The following CD70 variants were observed in gnomAD, a reference collection of about 807,000 sequenced individuals.
The protein encoded by CD70 is CD70 molecule.
A neutral mutation model predicts 9.0 loss-of-function variants in CD70; 6 were observed. That is an observed-to-expected ratio of 0.67 (90% CI 0.37 to 1.32). The LOEUF (loss-of-function observed/expected upper bound fraction) is 1.32. Among genes scored for constraint, CD70 ranks in the 40% most tolerant of loss-of-function variants. The pLI is 0.02. For synonymous variants in CD70, 108 were observed against 112.3 expected (o/e 0.96, Z 0.24); for missense variants, 235 against 258.7 (o/e 0.91, Z 0.63).
At position 6,590,131 on chromosome 19, in the gene CD70, G is replaced by A. The variant is rs1479398769; in HGVS notation, c.168C>T (p.Asp56=). The A allele has an allele frequency of 6.2e-7, 1 of 1,613,478 alleles. No individual in the cohort carries two copies. The highest frequency in any genetic ancestry group is 8.5e-7 in the Non-Finnish European group (1 of 1,179,652). Residue 56 remains aspartate (D), a synonymous_variant, in exon 2 of 3, where the codon GAC becomes GAT. Transcript: ENST00000245903. The surrounding 1 kb of genome is among the most constrained non-coding windows in gnomAD (Gnocchi z 5.3). ...TGTGATTCAGCTGCAGCTCAGCTAC[G>A]TCCCACTGGAAGAAAAGACCAGAAA... ...QQLPLESLGW[D]VAELQLNHTG...
At chr19:6,584,698 CAAAA>C (rs34700045), downstream of CD70, among the ~76,000 whole-genome samples, 3 of 102,286 alleles carry the variant, frequency 2.9e-5, no homozygotes, top group Admixed American at 3.1e-4. Flanking sequence ...GACCTCATCT[CAAAA>C]AAAAAAAAAA....
At chr19:6,583,128 AAGTGAGATCATGG>A, downstream of CD70, 2 of 447,924 alleles carry the variant, frequency 4.5e-6, no homozygotes, top group Non-Finnish European at 7.9e-6. Flanking sequence ...CCCCTTCTAG[AAGTGAGATCATGG>A]ATGCAAGATG....
chr19:6,587,075 CGA>C (rs1219524909), intron 2 of CD70, among the ~76,000 whole-genome samples: 2 of 128,528 alleles, frequency 1.6e-5, no homozygotes, highest in Non-Finnish European at 3.3e-5. Context: ...CATGAGAGAG[CGA>C]GAGAGTGTGT....
downstream of CD70, chr19:6,583,553 CTTT>C (rs72193958): frequency 0.013 from 5,182 of 399,072 alleles, no homozygotes; most frequent in South Asian, 0.02. Context: ...TAATTGTAGT[CTTT>C]TTTTTTTTTT....
At chr19:6,583,504 T>C (rs1915957281), downstream of CD70, 1 of 618,652 alleles carries the variant, frequency 1.6e-6, no homozygotes, top group East Asian at 2.8e-5. Flanking sequence ...TTTTGGTGAA[T>C]TGTTTGGCAG....
At chr19:6,585,072 C>T (rs1213303439), downstream of CD70, among the ~76,000 whole-genome samples, 6 of 152,036 alleles carry the variant, frequency 3.9e-5, no homozygotes, top group South Asian at 8.3e-4. Flanking sequence ...CTGAAACTTC[C>T]GCCTCCCAGG....
chr19:6,591,093 C>CGGGAG lies in CD70; in HGVS notation c.-92_-91insCTCCC. ...AAGGAAGGAAACTGCAGCCCCCTCC[C>CGGGAG]GGGGCTCCTGGGCGTCTACTTGCTT... On this transcript the variant is annotated 5_prime_UTR_variant, in exon 1 of 3. Coordinates refer to ENST00000245903, the MANE Select transcript of CD70 (RefSeq NM_001252.5). 4 of 1,359,038 alleles carry CGGGAG rather than the reference C, an allele frequency of 2.9e-6. No homozygotes were observed. The highest frequency in any genetic ancestry group is 3.9e-6 in the Non-Finnish European group (4 of 1,020,638). The allele number at this position is 1,359,038 out of a possible 1,614,324, so 84.2% of individuals were successfully genotyped here. A position where few individuals can be genotyped will look rare whatever the true frequency, so the allele number is the denominator to read the frequency against.
At chr19:6,586,570 G>A (rs767499200) in intron 2 of CD70, among the ~76,000 whole-genome samples, 165 bp from the exon 3 acceptor site, 13 of 152,096 alleles carry the variant, frequency 8.5e-5, no homozygotes, top group Non-Finnish European at 1.8e-4. Flanking sequence ...AGGCCAAGGC[G>A]GGTGGATCAC....
chr19:6,585,691 C>G (rs1160941001), downstream of CD70: 1 of 205,710 alleles, frequency 4.9e-6, no homozygotes, highest in African/African-American at 2.4e-5. Context: ...TTTTTTTTTC[C>G]TGAGACAGAG....
At chr19:6,583,090 C>G, downstream of CD70, 1 of 399,658 alleles carries the variant, frequency 2.5e-6, no homozygotes, top group East Asian at 3.7e-5. Context: ...CCTCCCTCAG[C>G]TGGGACACCC....
Position 6,590,217 on chromosome 19 carries a change from C to G in CD70, c.163-81G>C. 1 of 1,094,680 alleles carries G rather than the reference C, an allele frequency of 9.1e-7. No individual in the cohort carries two copies. Among genetic ancestry groups the G allele is most frequent in the Non-Finnish European group, 1.4e-6 (1 of 705,508 alleles). 67.8% of individuals were successfully genotyped at this position (1,094,680 alleles called of 1,614,324 possible). A position where few individuals can be genotyped will look rare whatever the true frequency, so the allele number is the denominator to read the frequency against. On this transcript the variant is annotated intron_variant, in intron 1 of 2. Coordinates refer to ENST00000245903, the MANE Select transcript of CD70 (RefSeq NM_001252.5). The surrounding 1 kb of genome is among the most constrained non-coding windows in gnomAD (Gnocchi z 5.3). ...TCCCCTGTGCCAGGAGCTCTCTTTT[C>G]TCTGTCCATCCTCCTTTCCACCTCT...
chr19:6,587,223 TGAGA>T (rs1407395447), intron 2 of CD70, among the ~76,000 whole-genome samples: 2 of 112,620 alleles, frequency 1.8e-5, no homozygotes, highest in South Asian at 3.0e-4. Flanking sequence ...CGAGAGAGTG[TGAGA>T]GAGAGGACGA....
rs1294356973 is a variant in CD70, at chr19:6,590,021, C to G, written c.196+82G>C. On this transcript the variant is annotated intron_variant, in intron 2 of 2. Coordinates refer to ENST00000245903, the MANE Select transcript of CD70 (RefSeq NM_001252.5). This position sits in a 1 kb window ranked among gnomAD's most constrained non-coding sequence, Gnocchi z 5.3. ...TGTCTGTGTCTCTTTCTCTCTGTCT[C>G]TCCCCACTTGTCTTTCTACCTCTCC... 2.7e-6 allele frequency: 3 copies of G among 1,118,990 alleles called. No homozygotes were observed. The African/African-American group carries it at 4.6e-5, about 17-fold the overall frequency. 69.3% of individuals were successfully genotyped at this position (1,118,990 alleles called of 1,614,324 possible). A position where few individuals can be genotyped will look rare whatever the true frequency, so the allele number is the denominator to read the frequency against.
Position 6,590,291 on chromosome 19 carries a change from C to T in CD70, c.163-155G>A, listed in dbSNP as rs866488555. On this transcript the variant is annotated intron_variant, in intron 1 of 2. Transcript: ENST00000245903. This position sits in a 1 kb window ranked among gnomAD's most constrained non-coding sequence, Gnocchi z 5.3. Reference sequence around the variant, plus strand: ...TTTTATTTCATTTTATTTTTTTTTACTCTTAAGACTTCTTAAAGAGGAAGC... The same window carrying T: ...TTTTATTTCATTTTATTTTTTTTTATTCTTAAGACTTCTTAAAGAGGAAGC... 6.6e-6 allele frequency among the ~76,000 whole-genome samples: 1 copy of T among 152,128 alleles called. No individual in the cohort carries two copies. Among genetic ancestry groups the T allele is most frequent in the African/African-American group, 2.4e-5 (1 of 41,424 alleles).
chr19:6,590,533 C>A lies in CD70; in HGVS notation c.162+308G>T, dbSNP rs1916134227. On this transcript the variant is annotated intron_variant, in intron 1 of 2. Coordinates refer to ENST00000245903, the MANE Select transcript of CD70 (RefSeq NM_001252.5). This position sits in a 1 kb window ranked among gnomAD's most constrained non-coding sequence, Gnocchi z 5.3. ...CCTAGGAGGCCCCAGGAAGCCCCCA[C>A]GCCCAGCCTTGTGAAGCCCCCAGCA... is the stretch of plus-strand genomic sequence containing the variant. Among the ~76,000 whole-genome samples, 2 of 152,154 alleles carry A rather than the reference C, an allele frequency of 1.3e-5. No individual in the cohort carries two copies. Among genetic ancestry groups the A allele is most frequent in the Non-Finnish European group, 2.9e-5 (2 of 68,000 alleles).
rs1197297284 is a variant in CD70 at position 6,586,423 on chromosome 19, G to C, written c.197-18C>G. 1.3e-6 allele frequency: 2 copies of C among 1,582,512 alleles called. No homozygotes were observed. The highest frequency in any genetic ancestry group is 2.2e-5 in the East Asian group (1 of 44,478). On this transcript the variant is annotated intron_variant, in intron 2 of 2. Coordinates refer to ENST00000245903, the MANE Select transcript of CD70 (RefSeq NM_001252.5). ...CTGAGGTCCTGGGGGCACAGGGTTA[G>C]AGGGATGAGAGGATGGAGGTTTAGG...
chr19:6,582,883 A>G (rs1160049623), downstream of CD70, among the ~76,000 whole-genome samples: 4 of 152,200 alleles, frequency 2.6e-5, no homozygotes, highest in Non-Finnish European at 5.9e-5. Context: ...ACGCTGATGT[A>G]AGTGGTGGGT....
At chr19:6,587,076 G>A (rs181309869) in intron 2 of CD70, among the ~76,000 whole-genome samples, 135 of 151,506 alleles carry the variant, frequency 8.9e-4, no homozygotes, top group Middle Eastern at 6.8e-3. Context: ...ATGAGAGAGC[G>A]AGAGAGTGTG....
rs182050995 is a variant in CD70, at chr19:6,586,028, G to A, written c.574C>T (p.Arg192Cys). Residue 192 changes from arginine to cysteine, a missense_variant, in exon 3 of 3, where the codon CGC becomes TGC. Physicochemically the swap from Arg to Cys is radical, Grantham distance 180. Transcript: ENST00000245903. ...DETFFGVQWV[R>C]P ...CTAATCAGCAGCAGTGGTCAGGGGC[G>A]CACCCACTGCACTCCAAAGAAGGTC... is the stretch of plus-strand genomic sequence containing the variant. The A allele has an allele frequency of 7.5e-6, 12 of 1,607,916 alleles. No homozygotes were observed. Among genetic ancestry groups the A allele is most frequent in the Admixed American group, 1.7e-5 (1 of 59,816 alleles).
Sources: gnomAD v4.1 joint callset for allele counts (sites outside exome capture counted in the v4.1 genomes callset) on GRCh38, gnomAD v4.1.1 for gene constraint, Gnocchi (gnomAD v3.1) non-coding constraint, MANE v1.5 for transcripts, NCBI Gene and HGNC (gene_info 2026-07-23, HGNC 2026-07-21) for gene names.